Variants in RIPOR3 observed in about 807,000 individuals in gnomAD.
RIPOR3 encodes the protein RIPOR family member 3.
A neutral mutation model predicts 114.3 loss-of-function variants in RIPOR3; 95 were observed. That is an observed-to-expected ratio of 0.83 (90% CI 0.70 to 0.99). The LOEUF (loss-of-function observed/expected upper bound fraction) is 0.99, where lower values mean the gene tolerates loss of function less well. Among genes scored for constraint, RIPOR3 ranks in the 50% least tolerant of loss-of-function variants. RIPOR3 has a pLI of 0.00. For synonymous variants in RIPOR3, 575 were observed against 543.8 expected (o/e 1.06, Z -0.80); for missense variants, 1,252 against 1,266.9 (o/e 0.99, Z 0.18).
At chr20:50,650,159 C>T (rs961339355) in intron 1 of RIPOR3, among the ~76,000 whole-genome samples, 3 of 152,080 alleles carry the variant, frequency 2.0e-5, no homozygotes, top group Admixed American at 1.3e-4. Context: ...TTCATCCCCA[C>T]GTGGAGGGAA....
In RIPOR3 at chr20:50,670,557, C is replaced by T. The variant is rs1305677361; in HGVS notation, c.3+20569G>A. On this transcript the variant is annotated intron_variant, in intron 1 of 21. Coordinates refer to ENST00000327979, the MANE Select transcript of RIPOR3 (RefSeq NM_001290268.2). ...TCCATTGCAGGAAATAAAGAAAAGACATGTTCTCTGCAGACCCACATGGCA... is the reference window on the plus strand; with the variant it reads ...TCCATTGCAGGAAATAAAGAAAAGATATGTTCTCTGCAGACCCACATGGCA... Among the ~76,000 whole-genome samples the T allele has an allele frequency of 3.9e-5, 6 of 152,264 alleles. No individual in the cohort carries two copies. The East Asian group carries it at 9.6e-4, about 24-fold the overall frequency.
At chr20:50,622,190 T>TC (rs1169521627) in intron 2 of RIPOR3, among the ~76,000 whole-genome samples, 1 of 151,654 alleles carries the variant, frequency 6.6e-6, no homozygotes, top group African/African-American at 2.4e-5. Flanking sequence ...TTCTCTTTTT[T>TC]TTTTTTTTTT....
At chr20:50,686,573 ACC>A (rs368351096) in intron 1 of RIPOR3, among the ~76,000 whole-genome samples, 57 of 151,190 alleles carry the variant, frequency 3.8e-4, no homozygotes, top group Middle Eastern at 6.8e-3. Flanking sequence ...ATATGGTGAA[ACC>A]CCATCTCTAC....
chr20:50,624,652 G>A (rs866130860), intron 2 of RIPOR3, among the ~76,000 whole-genome samples: 12 of 152,254 alleles, frequency 7.9e-5, no homozygotes, highest in South Asian at 2.1e-4. Flanking sequence ...GCCGGGGCAG[G>A]AAGAGCCTCT....
chr20:50,621,285 G>A (rs900455195), intron 2 of RIPOR3, among the ~76,000 whole-genome samples: 1 of 152,164 alleles, frequency 6.6e-6, no homozygotes, highest in Non-Finnish European at 1.5e-5. Context: ...CTTTACCCTT[G>A]GGGCAGCATC....
intron 11 of RIPOR3, among the ~76,000 whole-genome samples, chr20:50,607,182 AG>A (rs1229230151): frequency 6.6e-6 from 1 of 152,128 alleles, no homozygotes; most frequent in Non-Finnish European, 1.5e-5. Flanking sequence ...GGACACCCCC[AG>A]TTAGAGGCCC....
intron 1 of RIPOR3, among the ~76,000 whole-genome samples, chr20:50,674,582 A>G (rs1292999826): frequency 6.7e-6 from 1 of 148,942 alleles, no homozygotes; most frequent in East Asian, 2.0e-4. Flanking sequence ...GTCTTTGCAA[A>G]TGTAATTAGT....
intron 3 of RIPOR3, among the ~76,000 whole-genome samples, chr20:50,617,084 G>A (rs1600583047): frequency 6.6e-6 from 1 of 152,310 alleles, no homozygotes; most frequent in East Asian, 1.9e-4. Context: ...AGAGGTTGCA[G>A]TGAGCCGAGA....
chr20:50,633,804 G>A (rs1488351574), intron 1 of RIPOR3, among the ~76,000 whole-genome samples: 2 of 152,160 alleles, frequency 1.3e-5, no homozygotes, highest in Non-Finnish European at 2.9e-5. Flanking sequence ...ACGAAGGAGG[G>A]AAACTAAGGC....
rs778179826 is a variant in RIPOR3 at position 50,594,696 on chromosome 20, C to T, written c.2069G>A (p.Arg690Gln). Residue 690 changes from arginine to glutamine, a missense_variant, in exon 17 of 22, where the codon CGG becomes CAG. Arg to Gln is a conservative substitution (Grantham distance 43). Transcript: ENST00000327979. The part of the protein sequence containing the change: ...SIEEIIPQAS[R>Q]TKGCLKLWRG... ...CCACAGCTTCAGGCACCCCTTCGTC[C>T]GCGAGGCCTGTGGGATGACTGAAAG... The T allele has an allele frequency of 1.5e-5, 24 of 1,611,592 alleles. No individual in the cohort carries two copies. Among genetic ancestry groups the T allele is most frequent in the East Asian group, 4.5e-5 (2 of 44,840 alleles).
At chr20:50,666,706 G>A (rs375322260) in intron 1 of RIPOR3, among the ~76,000 whole-genome samples, 110 of 152,092 alleles carry the variant, frequency 7.2e-4, no homozygotes, top group African/African-American at 2.5e-3. Flanking sequence ...GACTACAGGC[G>A]TGTGCCACCA....
At chr20:50,630,629 G>A in intron 2 of RIPOR3, 109 bp downstream of exon 2, 1 of 895,610 alleles carries the variant, frequency 1.1e-6, no homozygotes, top group Non-Finnish European at 1.7e-6. Flanking sequence ...GCCGGCCTGA[G>A]AGTGGGCCTT....
chr20:50,609,932 T>TCTGCCTCAC (rs199566755), intron 6 of RIPOR3, among the ~76,000 whole-genome samples: 1,659 of 148,168 alleles, frequency 0.011, 20 homozygotes, highest in African/African-American at 0.019. Context: ...AGGGACCACA[T>TCTGCCTCAC]CTGCCTCACC....
At chr20:50,647,628 G>A (rs1003434110) in intron 1 of RIPOR3, among the ~76,000 whole-genome samples, 12 of 151,544 alleles carry the variant, frequency 7.9e-5, no homozygotes, top group African/African-American at 1.7e-4. Context: ...GACTACAGGC[G>A]CCCGCTACCA....
intron 12 of RIPOR3, among the ~76,000 whole-genome samples, chr20:50,603,671 C>G (rs978559037): frequency 6.6e-6 from 1 of 152,218 alleles, no homozygotes; most frequent in Admixed American, 6.5e-5. Context: ...CCTCACCACA[C>G]CCCATGGGGG....
chr20:50,605,286 G>C (rs991666466), intron 11 of RIPOR3, among the ~76,000 whole-genome samples: 1 of 151,960 alleles, frequency 6.6e-6, no homozygotes, highest in African/African-American at 2.4e-5. Context: ...ACAACCCTCT[G>C]TGGCCTGGAG....
intron 1 of RIPOR3, among the ~76,000 whole-genome samples, chr20:50,641,393 T>A (rs911289894): frequency 6.6e-6 from 1 of 152,080 alleles, no homozygotes; most frequent in Non-Finnish European, 1.5e-5. Flanking sequence ...TTTTTTAAAA[T>A]TTCTTTAGAG....
chr20:50,688,925 A>C (rs1238505824), intron 1 of RIPOR3, among the ~76,000 whole-genome samples: 1 of 152,162 alleles, frequency 6.6e-6, no homozygotes, highest in African/African-American at 2.4e-5. Flanking sequence ...AACCTCAGCA[A>C]CCAGTGGGCA....
intron 1 of RIPOR3, among the ~76,000 whole-genome samples, chr20:50,642,098 C>T (rs1568912603): frequency 6.6e-6 from 1 of 152,138 alleles, no homozygotes; most frequent in Non-Finnish European, 1.5e-5. Flanking sequence ...TTACATTTGG[C>T]TACTACTCTT....
Sources: allele counts gnomAD v4.1 joint callset (sites outside exome capture counted in the v4.1 genomes callset), GRCh38; gene constraint gnomAD v4.1.1; transcripts MANE v1.5; gene names NCBI Gene and HGNC (gene_info 2026-07-23, HGNC 2026-07-21).